PPP2R5C: variants seen among roughly 807,000 people sequenced by gnomAD.
PPP2R5C encodes the protein serine/threonine-protein phosphatase 2A 56 kDa regulatory subunit gamma isoform.
In PPP2R5C, 7 loss-of-function variants were observed where a neutral mutation model predicts 68.9. The ratio of observed to expected loss-of-function variants is 0.10; its 90% CI spans 0.06 to 0.19. The LOEUF (loss-of-function observed/expected upper bound fraction) is 0.19, where lower values mean the gene tolerates loss of function less well. Among genes scored for constraint, PPP2R5C ranks in the 10% least tolerant of loss-of-function variants. The pLI is 1.00. For synonymous variants in PPP2R5C, 210 were observed against 222.2 expected (o/e 0.95, Z 0.49); for missense variants, 348 against 641.3 (o/e 0.54, Z 4.94).
chr14:101,826,495 T>C (rs567805122), intron 1 of PPP2R5C, among the ~76,000 whole-genome samples: 149 of 152,344 alleles, frequency 9.8e-4, no homozygotes, highest in African/African-American at 3.4e-3. Flanking sequence ...GGTCTGTATG[T>C]CTGTCCTTAT....
At chr14:101,777,788 G>A (rs1301583875) in intron 2 of PPP2R5C, among the ~76,000 whole-genome samples, 3 of 152,010 alleles carry the variant, frequency 2.0e-5, no homozygotes, top group African/African-American at 7.3e-5. Context: ...CTTGTTTTTT[G>A]TTGAGACAGG....
At chr14:101,794,022 T>C (rs2038493702) in intron 3 of PPP2R5C, among the ~76,000 whole-genome samples, 1 of 152,162 alleles carries the variant, frequency 6.6e-6, no homozygotes, top group Admixed American at 6.5e-5. Flanking sequence ...CTGGGGTTTT[T>C]ATGGGCACAG....
At chr14:101,783,915 C>G (rs562742587) in intron 2 of PPP2R5C, among the ~76,000 whole-genome samples, 1 of 152,296 alleles carries the variant, frequency 6.6e-6, no homozygotes, top group African/African-American at 2.4e-5. Flanking sequence ...GCCAGGGGCA[C>G]CCAGAGAAGG....
intron 2 of PPP2R5C, among the ~76,000 whole-genome samples, chr14:101,869,513 C>T (rs1281518971): frequency 3.3e-5 from 5 of 152,154 alleles, no homozygotes; most frequent in Non-Finnish European, 1.5e-5. Flanking sequence ...AACCGTTTTC[C>T]AAAGTGGCTG....
At chr14:101,900,539 G>T (rs1047494355) in intron 8 of PPP2R5C, among the ~76,000 whole-genome samples, 12 of 152,326 alleles carry the variant, frequency 7.9e-5, no homozygotes, top group Admixed American at 2.6e-4. Flanking sequence ...AATTCAGTGT[G>T]TAAGCACATA....
intron 1 of PPP2R5C, among the ~76,000 whole-genome samples, chr14:101,817,648 G>T (rs941064071): frequency 7.9e-5 from 12 of 152,264 alleles, no homozygotes; most frequent in Non-Finnish European, 1.8e-4. Flanking sequence ...TGGTGGCTGA[G>T]GGTAGGACCT....
chr14:101,767,884 G>A (rs905052218), intron 2 of PPP2R5C, among the ~76,000 whole-genome samples: 2 of 152,104 alleles, frequency 1.3e-5, no homozygotes, highest in Non-Finnish European at 2.9e-5. Flanking sequence ...GGGAGTGGTG[G>A]GTTCTTCCTT....
At position 101,891,956 on chromosome 14, in the gene PPP2R5C, G is replaced by GT. The variant is rs1376583373; in HGVS notation, c.690-1038dup. 6.6e-6 allele frequency among the ~76,000 whole-genome samples: 1 copy of GT among 152,056 alleles called. No homozygotes were observed. The highest frequency in any genetic ancestry group is 2.4e-5 in the African/African-American group (1 of 41,428). Reference sequence around the variant, plus strand: ...GGAACAGCTTTCTGTTTTTTTGTTTGTTTTTTGTTTTTGTTTTTGAGATAG... The same window carrying GT: ...GGAACAGCTTTCTGTTTTTTTGTTTGTTTTTTTGTTTTTGTTTTTGAGATAG... On this transcript the variant is annotated intron_variant, in intron 6 of 13. Coordinates refer to ENST00000334743, the Ensembl canonical transcript of PPP2R5C. The surrounding 1 kb of genome is among the most constrained non-coding windows in gnomAD (Gnocchi z 4.9).
intron 1 of PPP2R5C, among the ~76,000 whole-genome samples, chr14:101,822,079 G>GC (rs756270809): frequency 0.045 from 1,615 of 36,186 alleles, 25 homozygotes; most frequent in Middle Eastern, 0.12. Flanking sequence ...ACCACCCCCT[G>GC]CCCCCCCCCC....
intron 1 of PPP2R5C, among the ~76,000 whole-genome samples, chr14:101,817,466 G>A (rs961556968): frequency 2.6e-5 from 4 of 152,194 alleles, no homozygotes; most frequent in African/African-American, 9.7e-5. Flanking sequence ...GTAACTCACA[G>A]TAGCTGCACA....
intron 10 of PPP2R5C, among the ~76,000 whole-genome samples, chr14:101,908,416 C>G (rs866458274): frequency 6.6e-6 from 1 of 152,140 alleles, no homozygotes; most frequent in East Asian, 1.9e-4. Context: ...CTCTGTCACC[C>G]AGACTGGAGT....
At chr14:101,818,858 G>T in intron 1 of PPP2R5C, 3 of 661,240 alleles carry the variant, frequency 4.5e-6, no homozygotes, top group Non-Finnish European at 7.8e-6. Context: ...GGTTTTTTCA[G>T]TTTGTCATCG....
intron 1 of PPP2R5C, among the ~76,000 whole-genome samples, chr14:101,813,787 G>A (rs1180274071): frequency 1.3e-5 from 2 of 152,208 alleles, no homozygotes; most frequent in Non-Finnish European, 2.9e-5. Flanking sequence ...CTCAGGAGTA[G>A]CTCCAGCCTG....
At position 101,762,941 on chromosome 14, in the gene PPP2R5C, AAAG is replaced by A. The variant is rs1336917226; in HGVS notation, c.68_70del (p.Glu23del). The A allele has an allele frequency of 1.9e-6, 3 of 1,582,662 alleles. No homozygotes were observed. The South Asian group carries it at 3.5e-5, about 18-fold the overall frequency. ...AGCAGGGAAGAGTGGAAAAAGTTCAAAAGAAGGACAAGACACAGTAGAATCAGA... is the reference window on the plus strand; with the variant it reads ...AGCAGGGAAGAGTGGAAAAAGTTCAAAAGGACAAGACACAGTAGAATCAGA... On this transcript the variant is annotated inframe_deletion, in exon 2 of 15. Coordinates refer to the PPP2R5C transcript ENST00000328724.
At chr14:101,765,012 A>G in intron 2 of PPP2R5C, 1 of 602,788 alleles carries the variant, frequency 1.7e-6, no homozygotes, top group South Asian at 2.0e-5. Flanking sequence ...AAACCTGAAA[A>G]ATCTCAGTAG....
intron 8 of PPP2R5C, among the ~76,000 whole-genome samples, chr14:101,894,880 T>C (rs1222819393): frequency 6.6e-6 from 1 of 152,230 alleles, no homozygotes; most frequent in Non-Finnish European, 1.5e-5. Context: ...TAGTTTCACA[T>C]CTGCTTGGTT....
intron 2 of PPP2R5C, among the ~76,000 whole-genome samples, chr14:101,876,417 T>G (rs905691147): frequency 1.5e-5 from 2 of 133,708 alleles, no homozygotes; most frequent in African/African-American, 2.7e-5. Flanking sequence ...CTGTCAGCGG[T>G]TTTTTTTTTT....
At chr14:101,824,258 T>A (rs2040264170) in intron 1 of PPP2R5C, 1 of 1,091,072 alleles carries the variant, frequency 9.2e-7, no homozygotes, top group African/African-American at 1.7e-5. Context: ...TTATTCGTAA[T>A]GATATAGCAT....
At chr14:101,873,702 T>C (rs2043571050) in intron 2 of PPP2R5C, among the ~76,000 whole-genome samples, 1 of 152,224 alleles carries the variant, frequency 6.6e-6, no homozygotes, top group Non-Finnish European at 1.5e-5. Flanking sequence ...AATAAATCAC[T>C]GTAGTTCTTC....
Sources: allele counts gnomAD v4.1 joint callset (sites outside exome capture counted in the v4.1 genomes callset), GRCh38; gene constraint gnomAD v4.1.1; non-coding constraint Gnocchi (gnomAD v3.1); transcripts MANE v1.5; gene names NCBI Gene and HGNC (gene_info 2026-07-23, HGNC 2026-07-21).